Variants in STON2 observed in about 807,000 individuals in gnomAD.
STON2 encodes the protein stonin-2.
In STON2, 29 loss-of-function variants were observed where a neutral mutation model predicts 65.7. The observed-to-expected ratio is 0.44, with a 90% CI of 0.33 to 0.60. STON2 has a LOEUF of 0.60. Among genes scored for constraint, STON2 ranks in the 20% least tolerant of loss-of-function variants. STON2 has a pLI of 0.03. For missense variants in STON2, 1,054 were observed against 1,118.1 expected (o/e 0.94, Z 0.82); for synonymous variants, 404 against 414.2 (o/e 0.98, Z 0.30).
At chr14:81,355,240 T>A (rs995678609) in intron 4 of STON2, among the ~76,000 whole-genome samples, 22 of 151,904 alleles carry the variant, frequency 1.4e-4, no homozygotes, top group African/African-American at 5.3e-4. Context: ...AAAATAATAG[T>A]TGAAAATTTC....
intron 7 of STON2, among the ~76,000 whole-genome samples, chr14:81,268,842 C>T (rs1316673366): frequency 6.6e-6 from 1 of 152,182 alleles, no homozygotes; most frequent in African/African-American, 2.4e-5. Flanking sequence ...GTATCTTGCA[C>T]ACCTGTCTGG....
At chr14:81,288,106 A>G (rs1895409970) in intron 5 of STON2, among the ~76,000 whole-genome samples, 1 of 152,232 alleles carries the variant, frequency 6.6e-6, no homozygotes, top group South Asian at 2.1e-4. Context: ...GGTATCTTGA[A>G]AAGAGTTAAC....
At chr14:81,396,429 T>C (rs79206478) in intron 2 of STON2, among the ~76,000 whole-genome samples, 4,125 of 152,276 alleles carry the variant, frequency 0.027, 201 homozygotes, top group African/African-American at 0.094. Flanking sequence ...CCTTCTTCAC[T>C]ATTCTTATGC....
intron 5 of STON2, among the ~76,000 whole-genome samples, chr14:81,298,340 G>A (rs1895841133): frequency 2.6e-5 from 4 of 151,354 alleles, no homozygotes; most frequent in African/African-American, 9.7e-5. Context: ...CCACATCCTA[G>A]GGCTGTCATC....
At chr14:81,288,387 C>T (rs1895422252) in intron 5 of STON2, among the ~76,000 whole-genome samples, 1 of 152,182 alleles carries the variant, frequency 6.6e-6, no homozygotes, top group East Asian at 1.9e-4. Context: ...GATAGTATAA[C>T]CTACTATACT....
chr14:81,280,738 C>T (rs1327898154), intron 5 of STON2, among the ~76,000 whole-genome samples: 2 of 152,132 alleles, frequency 1.3e-5, no homozygotes, highest in African/African-American at 2.4e-5. Flanking sequence ...AGGCCGGGCA[C>T]GGTGGCTCAT....
rs1390460608 is a variant in STON2, at chr14:81,262,324, C to G, written c.*6090G>C. On this transcript the variant is annotated 3_prime_UTR_variant, in exon 8 of 8. Transcript: ENST00000614646. ...TAAACAATCCTCAATGTCCTCGTGT[C>G]TAGCCTTTCCTCCCTTTAGGGAAGC... The G allele has an allele frequency of 1.0e-6, 1 of 985,358 alleles. No individual in the cohort carries two copies. The highest frequency in any genetic ancestry group is 6.1e-5 in the Admixed American group (1 of 16,274). 61.0% of individuals were successfully genotyped at this position (985,358 alleles called of 1,614,324 possible).
intron 3 of STON2, chr14:81,395,656 G>C: frequency 6.0e-6 from 3 of 503,162 alleles, no homozygotes; most frequent in Non-Finnish European, 1.1e-5. Flanking sequence ...CAACAGCCAG[G>C]GACAAGAGTA....
intron 5 of STON2, among the ~76,000 whole-genome samples, chr14:81,317,446 A>T (rs1379269195): frequency 6.6e-6 from 1 of 152,248 alleles, no homozygotes; most frequent in Non-Finnish European, 1.5e-5. Context: ...TAGTGGCCTA[A>T]AATAAAGTGC....
rs1836491700 is a variant in STON2 at position 81,272,357 on chromosome 14, G to A, written c.2582-1485C>T. The stretch of plus-strand genomic sequence containing the variant: ...AGGGTGACAGGGGTAGAGAGGGATT[G>A]AGCTGTAAGAACCCCCATATAGCAA... On this transcript the variant is annotated intron_variant, in intron 6 of 7. Transcript: ENST00000614646. Among the ~76,000 whole-genome samples the A allele has an allele frequency of 2.6e-5, 4 of 152,202 alleles. No homozygotes were observed. The South Asian group carries it at 8.3e-4, about 31-fold the overall frequency.
At chr14:81,403,557 T>C (rs914641442), upstream of STON2, among the ~76,000 whole-genome samples, 3 of 151,674 alleles carry the variant, frequency 2.0e-5, no homozygotes, top group South Asian at 2.1e-4. Flanking sequence ...ATGCGAACAA[T>C]GGAAACTTGA....
intron 3 of STON2, among the ~76,000 whole-genome samples, chr14:81,390,784 C>T (rs1900044202): frequency 6.6e-6 from 1 of 152,196 alleles, no homozygotes. Flanking sequence ...TTTATTCTCT[C>T]ACAGTTCTGG....
intron 4 of STON2, among the ~76,000 whole-genome samples, chr14:81,344,409 C>A (rs1476482617): frequency 6.6e-6 from 1 of 152,132 alleles, no homozygotes; most frequent in Non-Finnish European, 1.5e-5. Flanking sequence ...ACTAATATAG[C>A]AAAATTAAAT....
intron 2 of STON2, among the ~76,000 whole-genome samples, chr14:81,415,334 G>A (rs1239536543): frequency 6.6e-6 from 1 of 151,906 alleles, no homozygotes; most frequent in Non-Finnish European, 1.5e-5. Flanking sequence ...TAAGTAACGT[G>A]CTCAAGGTCA....
At chr14:81,361,795 G>A (rs1159828387) in intron 4 of STON2, among the ~76,000 whole-genome samples, 1 of 151,920 alleles carries the variant, frequency 6.6e-6, no homozygotes, top group African/African-American at 2.4e-5. Flanking sequence ...CAACTCTATA[G>A]AAAGAAAACA....
At chr14:81,365,583 C>T (rs540709734) in intron 4 of STON2, among the ~76,000 whole-genome samples, 45 of 152,090 alleles carry the variant, frequency 3.0e-4, no homozygotes, top group African/African-American at 1.1e-3. Context: ...CAGTGAAACC[C>T]CGTCTCTACT....
At chr14:81,303,908 G>A (rs1412950908) in intron 5 of STON2, among the ~76,000 whole-genome samples, 2 of 152,154 alleles carry the variant, frequency 1.3e-5, no homozygotes, top group Non-Finnish European at 1.5e-5. Context: ...TTGAGCACAT[G>A]CATGTAACCA....
At chr14:81,289,462 T>C (rs1238856886) in intron 5 of STON2, among the ~76,000 whole-genome samples, 1 of 151,942 alleles carries the variant, frequency 6.6e-6, no homozygotes, top group Non-Finnish European at 1.5e-5. Flanking sequence ...TTCTGAAAGG[T>C]CGGAAGGTTC....
chr14:81,419,985 A>G (rs532944512), intron 2 of STON2, among the ~76,000 whole-genome samples: 1 of 152,096 alleles, frequency 6.6e-6, no homozygotes. Context: ...CTTGGACAGG[A>G]TATGTACCTG....
Sources: allele counts gnomAD v4.1 joint callset (sites outside exome capture counted in the v4.1 genomes callset), GRCh38; gene constraint gnomAD v4.1.1; transcripts MANE v1.5; gene names NCBI Gene and HGNC (gene_info 2026-07-23, HGNC 2026-07-21).